The following PIK3CD variants were observed in gnomAD, a reference collection of about 807,000 sequenced individuals.
The protein encoded by PIK3CD is phosphatidylinositol-4,5-bisphosphate 3-kinase catalytic subunit delta.
PIK3CD carries 20 observed loss-of-function variants against 122.9 expected under a neutral mutation model. The ratio of observed to expected loss-of-function variants is 0.16; its 90% CI spans 0.11 to 0.24. The LOEUF (loss-of-function observed/expected upper bound fraction) is 0.24. Among genes scored for constraint, PIK3CD ranks in the 10% least tolerant of loss-of-function variants. The probability of loss-of-function intolerance (pLI) is 1.00; values close to 1 mark genes in which losing one functional copy is unlikely to be tolerated. For missense variants in PIK3CD, 787 were observed against 1,406.3 expected (o/e 0.56, Z 7.04); for synonymous variants, 596 against 593.4 (o/e 1.00, Z -0.06).
rs1649265786 is a variant in PIK3CD at position 9,724,917 on chromosome 1, A to G, written c.2978A>G (p.Lys993Arg). Residue 993 changes from lysine to arginine, a missense_variant, in exon 23 of 24, where the codon AAA becomes AGA. Lys to Arg is a conservative substitution (Grantham distance 26). This residue lies in a region of PIK3CD where 60 missense variants were observed against 129.5 expected (regional missense o/e 0.46). Coordinates refer to ENST00000377346, the MANE Select transcript of PIK3CD (RefSeq NM_005026.5). The surrounding 1 kb of genome is among the most constrained non-coding windows in gnomAD (Gnocchi z 7.3). ...GGCCTGCCTGAGCTCAGCTGCTCCAAAGACATCCAGTATCTCAAGGTATGT... is the reference window on the plus strand; with the variant it reads ...GGCCTGCCTGAGCTCAGCTGCTCCAGAGACATCCAGTATCTCAAGGTATGT... ...AAGLPELSCS[K>R]DIQYLKDSLA... The G allele has an allele frequency of 1.2e-6, 2 of 1,613,840 alleles. No homozygotes were observed. Among genetic ancestry groups the G allele is most frequent in the South Asian group, 1.1e-5 (1 of 91,086 alleles).
rs1264860047 is a variant in PIK3CD, at chr1:9,724,562, G to C, written c.2864+141G>C. 17 of 1,112,682 alleles carry C rather than the reference G, an allele frequency of 1.5e-5. No homozygotes were observed. Among genetic ancestry groups the C allele is most frequent in the Middle Eastern group, 2.7e-4 (1 of 3,642 alleles). 68.9% of individuals were successfully genotyped at this position (1,112,682 alleles called of 1,614,324 possible). The stretch of plus-strand genomic sequence containing the variant: ...CTCACCCCAACTGTTGATGGGTTTG[G>C]AACATGCCCCTGCTCCACCCTGCAG... On this transcript the variant is annotated intron_variant, in intron 22 of 23. Coordinates refer to ENST00000377346, the MANE Select transcript of PIK3CD (RefSeq NM_005026.5). This position sits in a 1 kb window ranked among gnomAD's most constrained non-coding sequence, Gnocchi z 7.3.
At chr1:9,726,332 C>A (rs1233804345) in intron 23 of PIK3CD, among the ~76,000 whole-genome samples, 1 of 151,908 alleles carries the variant, frequency 6.6e-6, no homozygotes, top group African/African-American at 2.4e-5. Flanking sequence ...CACGGTGAAA[C>A]CCCGTCTCTA....
intron 1 of PIK3CD, chr1:9,687,227 G>A (rs1418466480): frequency 6.6e-6 from 1 of 152,238 alleles, no homozygotes; most frequent in African/African-American, 2.4e-5. Flanking sequence ...GGGGCCGCTA[G>A]GGAGGAGGGC....
chr1:9,716,409 G>A (rs761055137), intron 5 of PIK3CD, 31 bp from the exon 6 acceptor site: 3 of 1,609,052 alleles, frequency 1.9e-6, no homozygotes, highest in Non-Finnish European at 2.5e-6. Context: ...GGGCCTCGAG[G>A]GCAGAGGACT....
the PIK3CD span, among the ~76,000 whole-genome samples, chr1:9,638,454 C>A: frequency 3.4e-4 from 52 of 151,996 alleles, no homozygotes; most frequent in Non-Finnish European, 7.2e-4. Context: ...TCATCTAGGC[C>A]GGGAGCGGTG....
the PIK3CD span, among the ~76,000 whole-genome samples, chr1:9,641,054 TC>T: frequency 6.6e-6 from 1 of 152,146 alleles, no homozygotes; most frequent in South Asian, 2.1e-4. Context: ...TCCCCTCCTA[TC>T]TTACATTTTT....
the PIK3CD span, among the ~76,000 whole-genome samples, chr1:9,642,653 C>T: frequency 6.7e-6 from 1 of 150,064 alleles, no homozygotes; most frequent in African/African-American, 2.5e-5. Context: ...GGAGGCGGAG[C>T]TCGCAATGAG....
chr1:9,717,609 G>A lies in PIK3CD; in HGVS notation c.1003G>A (p.Ala335Thr), dbSNP rs765798990. The A allele has an allele frequency of 4.3e-6, 7 of 1,613,982 alleles. No individual in the cohort carries two copies. Among genetic ancestry groups the A allele is most frequent in the African/African-American group, 2.7e-5 (2 of 74,944 alleles). Residue 335 changes from alanine (A) to threonine (T), a missense_variant, in exon 8 of 24, where the codon GCC becomes ACC. Transcript: ENST00000377346. This position sits in a 1 kb window ranked among gnomAD's most constrained non-coding sequence, Gnocchi z 5.4. ...IELIQGSKVN[A>T]DERMKLVVQA... Reference sequence around the variant, plus strand: ...GCTCATCCAGGGCAGCAAAGTGAACGCCGACGAGCGGATGAAGGTGGGGCT... The same window carrying A: ...GCTCATCCAGGGCAGCAAAGTGAACACCGACGAGCGGATGAAGGTGGGGCT...
At chr1:9,635,872 G>A in the PIK3CD span, among the ~76,000 whole-genome samples, 1 of 152,250 alleles carries the variant, frequency 6.6e-6, no homozygotes, top group South Asian at 2.1e-4. Flanking sequence ...TGATGGAGCA[G>A]GCAGACATGT....
the PIK3CD span, among the ~76,000 whole-genome samples, chr1:9,636,651 C>T: frequency 1.3e-5 from 2 of 152,166 alleles, no homozygotes; most frequent in African/African-American, 4.8e-5. Context: ...AGCGGCTGGC[C>T]CTCCAGGTGG....
chr1:9,654,664 T>C, intron 1 of PIK3CD: 1 of 358,694 alleles, frequency 2.8e-6, no homozygotes, highest in Non-Finnish European at 5.5e-6. Context: ...ACCATTTTTG[T>C]GTAGAGAGCA....
At chr1:9,683,603 T>C (rs1645855492) in intron 1 of PIK3CD, among the ~76,000 whole-genome samples, 2 of 152,150 alleles carry the variant, frequency 1.3e-5, no homozygotes, top group South Asian at 4.1e-4. Flanking sequence ...AGTTTCCTCA[T>C]GAAGATGACT....
At chr1:9,632,355 C>T in the PIK3CD span, among the ~76,000 whole-genome samples, 3 of 152,068 alleles carry the variant, frequency 2.0e-5, no homozygotes, top group South Asian at 6.2e-4. Context: ...AACTATGTTG[C>T]CAGGTTGGAG....
In PIK3CD at chr1:9,727,359, C is replaced by T. The variant is rs1312572903; in HGVS notation, c.*313C>T. On this transcript the variant is annotated 3_prime_UTR_variant, in exon 24 of 24. Coordinates refer to ENST00000377346, the MANE Select transcript of PIK3CD (RefSeq NM_005026.5). ...GGGCCCAGCAAAGACTGTTCTCCTC[C>T]CGAGGGAACCTTCTTCCCAGGCCTC... 2.2e-6 allele frequency: 1 copy of T among 460,578 alleles called. No individual in the cohort carries two copies. The highest frequency in any genetic ancestry group is 4.0e-6 in the Non-Finnish European group (1 of 247,980). 28.5% of individuals were successfully genotyped at this position (460,578 alleles called of 1,614,324 possible).
At chr1:9,713,273 T>C (rs1012328484) in intron 3 of PIK3CD, among the ~76,000 whole-genome samples, 1 of 152,034 alleles carries the variant, frequency 6.6e-6, no homozygotes, top group African/African-American at 2.4e-5. Flanking sequence ...GCCTGGGAGT[T>C]TGAGGCTGCA....
chr1:9,667,790 G>T (rs1386851957), intron 1 of PIK3CD, among the ~76,000 whole-genome samples: 2 of 146,304 alleles, frequency 1.4e-5, no homozygotes, highest in Non-Finnish European at 3.0e-5. Context: ...ACACTGGAGT[G>T]CACTGGAGCA....
chr1:9,654,361 T>A (rs1557588438), intron 1 of PIK3CD: 2 of 1,367,554 alleles, frequency 1.5e-6, no homozygotes, highest in Non-Finnish European at 2.0e-6. Context: ...GATACCATGT[T>A]TAGCAAGTGT....
At chr1:9,693,212 TTTA>T (rs1646273336) in intron 2 of PIK3CD, among the ~76,000 whole-genome samples, 1 of 152,028 alleles carries the variant, frequency 6.6e-6, no homozygotes, top group African/African-American at 2.4e-5. Flanking sequence ...GTAGCTTTTA[TTTA>T]TTATTTATTT....
rs1347046772 is a variant in PIK3CD at position 9,722,615 on chromosome 1, C to A, written c.2426+9C>A. The A allele has an allele frequency of 3.1e-6, 5 of 1,610,132 alleles. No individual in the cohort carries two copies. In the African/African-American group the frequency reaches 4.0e-5, roughly 13 times the overall value. On this transcript the variant is annotated intron_variant, in intron 19 of 23. Coordinates refer to ENST00000377346, the MANE Select transcript of PIK3CD (RefSeq NM_005026.5). The surrounding 1 kb of genome is among the most constrained non-coding windows in gnomAD (Gnocchi z 7.6). The stretch of plus-strand genomic sequence containing the variant: ...GAGGGGCTGGACCTGAGGTGAGGAC[C>A]CCCACCCCACATCGTCCCTTGGTGT...
Sources: allele counts gnomAD v4.1 joint callset (sites outside exome capture counted in the v4.1 genomes callset), GRCh38; gene constraint gnomAD v4.1.1; regional missense constraint gnomAD v4.1.1; non-coding constraint Gnocchi (gnomAD v3.1); transcripts MANE v1.5; gene names NCBI Gene and HGNC (gene_info 2026-07-23, HGNC 2026-07-21).